Variants in DENND1B observed in about 807,000 individuals in gnomAD.
The protein encoded by DENND1B is DENN domain-containing protein 1B.
A neutral mutation model predicts 90.1 loss-of-function variants in DENND1B; 59 were observed. The ratio of observed to expected loss-of-function variants is 0.65; its 90% CI spans 0.53 to 0.81. DENND1B has a LOEUF of 0.81. DENND1B is among the 40% of genes least tolerant of loss of function. The probability of loss-of-function intolerance (pLI) is 0.00; values close to 1 mark genes in which losing one functional copy is unlikely to be tolerated. For synonymous variants in DENND1B, 337 were observed against 324.6 expected (o/e 1.04, Z -0.41); for missense variants, 862 against 912.6 (o/e 0.94, Z 0.71).
chr1:197,735,519 G>C, intron 2 of DENND1B: 1 of 1,608,080 alleles, frequency 6.2e-7, no homozygotes, highest in South Asian at 1.1e-5. Flanking sequence ...GTTTACTTTA[G>C]TGTGAACTAT....
chr1:197,750,327 G>A (rs1437667946), intron 2 of DENND1B, among the ~76,000 whole-genome samples: 1 of 151,502 alleles, frequency 6.6e-6, no homozygotes, highest in Non-Finnish European at 1.5e-5. Flanking sequence ...AATCCTTAGA[G>A]CTACTAAAAA....
chr1:197,654,163 A>T (rs1653550682), intron 6 of DENND1B, among the ~76,000 whole-genome samples: 2 of 152,230 alleles, frequency 1.3e-5, no homozygotes, highest in Admixed American at 6.5e-5. Context: ...AAATTGGTTG[A>T]CAATTTTAGA....
intron 2 of DENND1B, among the ~76,000 whole-genome samples, chr1:197,738,291 T>A (rs1662899520): frequency 6.6e-6 from 1 of 152,220 alleles, no homozygotes; most frequent in African/African-American, 2.4e-5. Context: ...GACATAGAAG[T>A]ATTTTCCTTT....
At position 197,602,611 on chromosome 1, in the gene DENND1B, T is replaced by C. The variant is rs75254098; in HGVS notation, c.921+4462A>G. ...TTTTTTTTCTTTATAACATATATTA[T>C]GACAATTTAACATGTTAAACCTTCA... On this transcript the variant is annotated intron_variant, in intron 13 of 22. Transcript: ENST00000620048. Among the ~76,000 whole-genome samples, 862 of 151,562 alleles carry C rather than the reference T, an allele frequency of 5.7e-3. 10 individuals carry two copies. Among genetic ancestry groups the C allele is most frequent in the African/African-American group, 0.019 (800 of 41,442 alleles).
At position 197,716,229 on chromosome 1, in the gene DENND1B, T is replaced by C. The variant is rs146249995; in HGVS notation, c.83-1155A>G. Among the ~76,000 whole-genome samples the C allele has an allele frequency of 9.1e-3, 1,381 of 151,962 alleles. 18 individuals are homozygous for C. The highest frequency in any genetic ancestry group is 0.028 in the African/African-American group (1,173 of 41,542). On this transcript the variant is annotated intron_variant, in intron 2 of 22. Transcript: ENST00000620048. ...CATGAGCTGGCTCCTCTTGTGTTTA[T>C]ACTTAAGTTCCACAGAATTTTTTTC...
In DENND1B at chr1:197,595,217, T is replaced by C; in HGVS notation, c.1038A>G (p.Arg346=). ...GAAACAAAACGCTTACAGGTTTGTA[T>C]CTCAGTGCATCTCTGTAGGATCCAA... is the stretch of plus-strand genomic sequence containing the variant. The part of the protein sequence containing the change: ...ALFGSYRDAL[R]YKPGEPITFC... Residue 346 remains arginine (R), a synonymous_variant, in exon 14 of 23, where the codon AGA becomes AGG. Coordinates refer to ENST00000620048, the MANE Select transcript of DENND1B (RefSeq NM_001195215.2). 1.9e-6 allele frequency: 3 copies of C among 1,611,568 alleles called. No individual in the cohort carries two copies. The highest frequency in any genetic ancestry group is 2.5e-6 in the Non-Finnish European group (3 of 1,178,826).
chr1:197,759,813 T>G (rs146005800), intron 2 of DENND1B, among the ~76,000 whole-genome samples: 1 of 147,616 alleles, frequency 6.8e-6, no homozygotes, highest in East Asian at 2.1e-4. Flanking sequence ...CTTATTCATC[T>G]CTTCCCCATA....
intron 5 of DENND1B, among the ~76,000 whole-genome samples, chr1:197,663,328 A>G (rs1654608052): frequency 1.3e-5 from 2 of 152,146 alleles, no homozygotes; most frequent in Admixed American, 1.3e-4. Flanking sequence ...TTCTCCTTTT[A>G]AAGAGTACAT....
At chr1:197,683,195 T>C (rs778022620) in intron 3 of DENND1B, among the ~76,000 whole-genome samples, 2 of 152,202 alleles carry the variant, frequency 1.3e-5, no homozygotes, top group Non-Finnish European at 2.9e-5. Context: ...AATCTCATTG[T>C]ATATTTAAGA....
rs10922282 is a variant in DENND1B at position 197,770,844 on chromosome 1, A to G, written c.82+2024T>C. Among the ~76,000 whole-genome samples the G allele has an allele frequency of 1.3e-3, 126 of 95,336 alleles. 1 individual carries two copies. The highest frequency in any genetic ancestry group is 3.8e-3 in the African/African-American group (113 of 29,500). 62.5% of individuals were successfully genotyped at this position (95,336 alleles called of 152,430 possible). A position where few individuals can be genotyped will look rare whatever the true frequency, so the allele number is the denominator to read the frequency against. On this transcript the variant is annotated intron_variant, in intron 2 of 22. Transcript: ENST00000620048. Reference sequence around the variant, plus strand: ...TGTAAATATATATCTATAAATATATATAAATATATATCTATAAATATATAT... The same window carrying G: ...TGTAAATATATATCTATAAATATATGTAAATATATATCTATAAATATATAT...
intron 3 of DENND1B, among the ~76,000 whole-genome samples, chr1:197,691,544 A>G (rs1657883916): frequency 1.3e-5 from 2 of 151,990 alleles, no homozygotes; most frequent in African/African-American, 4.8e-5. Context: ...GCAGCTATGG[A>G]AAACAGTTTC....
intron 6 of DENND1B, among the ~76,000 whole-genome samples, chr1:197,654,491 T>C (rs1247899187): frequency 6.6e-6 from 1 of 151,916 alleles, no homozygotes; most frequent in Non-Finnish European, 1.5e-5. Context: ...ATGCCTGTAG[T>C]CCCATCTACT....
At chr1:197,512,802 C>A (rs1231091405) in intron 21 of DENND1B, 69 bp downstream of exon 21, 4 of 1,432,026 alleles carry the variant, frequency 2.8e-6, no homozygotes, top group Non-Finnish European at 2.9e-6. Flanking sequence ...CTTTGAAATA[C>A]CCTTTATCAC....
intron 2 of DENND1B, among the ~76,000 whole-genome samples, chr1:197,762,695 T>G (rs1001058692): frequency 8.5e-5 from 13 of 152,170 alleles, no homozygotes; most frequent in Admixed American, 6.5e-5. Flanking sequence ...TGACCTACCT[T>G]GCCTCATTTC....
chr1:197,614,687 A>T (rs1364954715), intron 11 of DENND1B, among the ~76,000 whole-genome samples: 4 of 150,908 alleles, frequency 2.7e-5, no homozygotes, highest in Non-Finnish European at 4.5e-5. Flanking sequence ...GAGACCACTC[A>T]TGACACAGAC....
intron 15 of DENND1B, among the ~76,000 whole-genome samples, chr1:197,559,367 G>A (rs934287910): frequency 3.9e-5 from 6 of 151,930 alleles, no homozygotes; most frequent in Non-Finnish European, 8.8e-5. Flanking sequence ...AGCTGAGGAA[G>A]TAGCAAGATT....
At chr1:197,658,808 T>C (rs1274232249) in intron 5 of DENND1B, among the ~76,000 whole-genome samples, 2 of 151,112 alleles carry the variant, frequency 1.3e-5, no homozygotes, top group Non-Finnish European at 3.0e-5. Flanking sequence ...TCAGAAATGA[T>C]GTTTAAGAAT....
At chr1:197,765,288 G>C (rs1185710800) in intron 2 of DENND1B, among the ~76,000 whole-genome samples, 1 of 152,132 alleles carries the variant, frequency 6.6e-6, no homozygotes, top group Admixed American at 6.5e-5. Flanking sequence ...GTTTTTCAAT[G>C]TTAAACATTA....
chr1:197,706,366 T>C (rs146768126), intron 3 of DENND1B, among the ~76,000 whole-genome samples: 16 of 152,238 alleles, frequency 1.1e-4, no homozygotes, highest in African/African-American at 3.1e-4. Context: ...GGATGTTGCG[T>C]TGGGCAAAGA....
Sources: allele counts gnomAD v4.1 joint callset (sites outside exome capture counted in the v4.1 genomes callset), GRCh38; gene constraint gnomAD v4.1.1; transcripts MANE v1.5; gene names NCBI Gene and HGNC (gene_info 2026-07-23, HGNC 2026-07-21).